PNPLA1: variants seen among roughly 807,000 people sequenced by gnomAD.
PNPLA1 encodes patatin like domain 1, omega-hydroxyceramide transacylase.
A neutral mutation model predicts 51.7 loss-of-function variants in PNPLA1; 36 were observed. The observed-to-expected ratio is 0.70, with a 90% confidence interval of 0.53 to 0.92. The LOEUF is 0.92. PNPLA1 is among the 40% of genes least tolerant of loss of function. The probability of loss-of-function intolerance (pLI) is 0.00; values close to 1 mark genes in which losing one functional copy is unlikely to be tolerated. For missense variants in PNPLA1, 658 were observed against 682.5 expected, an observed-to-expected ratio of 0.96 and a Z score of 0.40; for synonymous variants, 293 against 280.1, an observed-to-expected ratio of 1.05 and a Z score of -0.46.
chr6:36,312,910 G>A lies in PNPLA1; in HGVS notation c.*1024G>A, dbSNP rs1771437988. ...AGTCTCCCCAGGATCCTGTCCAAGGGCAAAACTCTTGGGGGCCCAGCAGGA... is the reference window on the plus strand; with the variant it reads ...AGTCTCCCCAGGATCCTGTCCAAGGACAAAACTCTTGGGGGCCCAGCAGGA... On this transcript the variant is annotated 3_prime_UTR_variant, in exon 9 of 9. Coordinates refer to ENST00000636260, the MANE Select transcript of PNPLA1 (RefSeq NM_001374623.1). 1.3e-5 allele frequency among the ~76,000 whole-genome samples: 2 copies of A among 152,154 alleles called. No individual in the cohort carries two copies. The highest frequency in any genetic ancestry group is 1.3e-4 in the Admixed American group (2 of 15,268).
chr6:36,303,226 C>T (rs1357367961), intron 6 of PNPLA1, among the ~76,000 whole-genome samples: 8 of 152,070 alleles, frequency 5.3e-5, no homozygotes, highest in South Asian at 2.1e-4. Flanking sequence ...TCCCGAGTAG[C>T]TGGGACTACA....
chr6:36,291,475 C>CA lies in PNPLA1; in HGVS notation c.362dup (p.His121GlnfsTer26). 6.2e-7 allele frequency: 1 copy of CA among 1,605,208 alleles called. No individual in the cohort carries two copies. The highest frequency in any genetic ancestry group is 8.5e-7 in the Non-Finnish European group (1 of 1,174,616). On this transcript the variant is annotated frameshift_variant, in exon 2 of 9. Transcript: ENST00000636260. LOFTEE classifies it high-confidence loss of function. Reference sequence around the variant, plus strand: ...CTACAAGGTCACCACGGGGAAGCTCCATGTGAGCCTCACCCGCTTAACGGA... The same window carrying CA: ...CTACAAGGTCACCACGGGGAAGCTCCAATGTGAGCCTCACCCGCTTAACGGA...
At chr6:36,290,199 T>C (rs1311959594) in intron 1 of PNPLA1, among the ~76,000 whole-genome samples, 1 of 152,256 alleles carries the variant, frequency 6.6e-6, no homozygotes, top group East Asian at 1.9e-4. Flanking sequence ...AAGAAAGTTC[T>C]ACCATATAGC....
intron 1 of PNPLA1, among the ~76,000 whole-genome samples, chr6:36,271,995 C>T (rs1012093221): frequency 2.0e-5 from 3 of 152,228 alleles, no homozygotes; most frequent in South Asian, 2.1e-4. Context: ...GTTACAGCAG[C>T]GGTCTCCAGT....
intron 5 of PNPLA1, among the ~76,000 whole-genome samples, chr6:36,296,158 C>T (rs764424526): frequency 1.1e-4 from 16 of 152,256 alleles, no homozygotes; most frequent in Admixed American, 7.2e-4. Context: ...AGAAATTAAA[C>T]AATTAGCTGA....
At position 36,282,665 on chromosome 6, in the gene PNPLA1, G is replaced by T. The variant is rs568864434; in HGVS notation, c.206-8655G>T. The stretch of plus-strand genomic sequence containing the variant: ...TATCCCTAACAACCTTGCTTGATCT[G>T]TGTGTATGTGTGTGTTTTTAATTTA... On this transcript the variant is annotated intron_variant, in intron 1 of 8. Coordinates refer to ENST00000636260, the MANE Select transcript of PNPLA1 (RefSeq NM_001374623.1). Among the ~76,000 whole-genome samples, 3 of 152,232 alleles carry T rather than the reference G, an allele frequency of 2.0e-5. No individual in the cohort carries two copies. In the South Asian group the frequency reaches 6.2e-4, roughly 32 times the overall value.
intron 1 of PNPLA1, among the ~76,000 whole-genome samples, chr6:36,274,919 A>G (rs1349523260): frequency 1.3e-5 from 2 of 151,794 alleles, no homozygotes; most frequent in Admixed American, 6.6e-5. Context: ...GGTGTTCTTT[A>G]TATATTCTGT....
chr6:36,282,179 G>GGGAA (rs1296572011), intron 1 of PNPLA1, among the ~76,000 whole-genome samples: 8 of 93,634 alleles, frequency 8.5e-5, no homozygotes, highest in African/African-American at 3.6e-4. Context: ...AAGAGACAGA[G>GGGAA]AGAAAGAAAG....
At chr6:36,302,609 A>T (rs1473467234) in intron 6 of PNPLA1, 140 bp downstream of exon 6, 3 of 1,173,116 alleles carry the variant, frequency 2.6e-6, no homozygotes, top group Non-Finnish European at 3.5e-6. Flanking sequence ...TCTGTCCATT[A>T]TGAGGACAGT....
At chr6:36,274,112 C>A (rs142834335) in intron 1 of PNPLA1, among the ~76,000 whole-genome samples, 5 of 152,296 alleles carry the variant, frequency 3.3e-5, no homozygotes, top group African/African-American at 1.2e-4. Context: ...ACCGTTCTAC[C>A]TCTGGCATAT....
rs190120931 is a variant in PNPLA1 at position 36,288,785 on chromosome 6, A to T, written c.206-2535A>T. On this transcript the variant is annotated intron_variant, in intron 1 of 8. Coordinates refer to ENST00000636260, the MANE Select transcript of PNPLA1 (RefSeq NM_001374623.1). ...AGACCCTATTTTTAAAAAAATAAAA[A>T]AATCAGCTGGGTGCGGTGGCACATG... 1.1e-3 allele frequency among the ~76,000 whole-genome samples: 173 copies of T among 152,102 alleles called. 5 individuals are homozygous for T. In the South Asian group the frequency reaches 0.033, roughly 29 times the overall value.
chr6:36,249,360 A>G (rs935721480), intron 1 of PNPLA1, among the ~76,000 whole-genome samples: 1 of 152,236 alleles, frequency 6.6e-6, no homozygotes, highest in Non-Finnish European at 1.5e-5. Context: ...GACTCCAAAA[A>G]AGGAAACAGC....
In PNPLA1 at chr6:36,308,052, A is replaced by G. The variant is rs375247045; in HGVS notation, c.1595+340A>G. The G allele has an allele frequency of 7.4e-4, 129 of 175,064 alleles. 3 individuals are homozygous for G. In the South Asian group the frequency reaches 0.016, roughly 22 times the overall value. 10.8% of individuals were successfully genotyped at this position (175,064 alleles called of 1,614,324 possible). On this transcript the variant is annotated intron_variant, in intron 8 of 8. Coordinates refer to ENST00000636260, the MANE Select transcript of PNPLA1 (RefSeq NM_001374623.1). ...CACAATAAGTAGGTATTATGTTTAC[A>G]TATTATGTTTGTATTTATGCTACTT...
chr6:36,246,852 T>C (rs1769298299), intron 1 of PNPLA1, among the ~76,000 whole-genome samples: 2 of 152,228 alleles, frequency 1.3e-5, no homozygotes, highest in Non-Finnish European at 2.9e-5. Flanking sequence ...AACAAAAGGT[T>C]CTTCCCACAC....
Position 36,294,055 on chromosome 6 carries a change from A to T in PNPLA1, c.505-135A>T, listed in dbSNP as rs369134768. On this transcript the variant is annotated intron_variant, in intron 3 of 8. Coordinates refer to ENST00000636260, the MANE Select transcript of PNPLA1 (RefSeq NM_001374623.1). This position sits in a 1 kb window ranked among gnomAD's most constrained non-coding sequence, Gnocchi z 4.2. ...CACCAGGACCTCCGTCTCCAGGCTTATCCTGAGGGGTCTTCTGGATCTTCC... is the reference window on the plus strand; with the variant it reads ...CACCAGGACCTCCGTCTCCAGGCTTTTCCTGAGGGGTCTTCTGGATCTTCC... The T allele has an allele frequency of 1.6e-5, 17 of 1,043,588 alleles. No homozygotes were observed. Among genetic ancestry groups the T allele is most frequent in the East Asian group, 1.6e-4 (6 of 38,426 alleles). 64.6% of individuals were successfully genotyped at this position (1,043,588 alleles called of 1,614,324 possible).
At chr6:36,273,605 T>C (rs1323036663) in intron 1 of PNPLA1, among the ~76,000 whole-genome samples, 3 of 150,892 alleles carry the variant, frequency 2.0e-5, no homozygotes, top group Admixed American at 2.0e-4. Flanking sequence ...CATCTTAAAA[T>C]ACAGCATCTG....
rs761294330 is a variant in PNPLA1 at position 36,294,370 on chromosome 6, A to T, written c.685A>T (p.Thr229Ser). ...CTCCCTGGAGAACATCGCCAGGATGACCCACGCATTGTTCCCCCCGGACCT... is the reference window on the plus strand; with the variant it reads ...CTCCCTGGAGAACATCGCCAGGATGTCCCACGCATTGTTCCCCCCGGACCT... ...QFSLENIARM[T>S]HALFPPDLVI... The change falls in exon 4 of 9, where the codon ACC becomes TCC. Residue 229 changes from threonine (T) to serine (S), a missense_variant. Coordinates refer to ENST00000636260, the MANE Select transcript of PNPLA1 (RefSeq NM_001374623.1). The surrounding 1 kb of genome is among the most constrained non-coding windows in gnomAD (Gnocchi z 4.2). 19 of 1,614,134 alleles carry T rather than the reference A, an allele frequency of 1.2e-5. No homozygotes were observed. Among genetic ancestry groups the T allele is most frequent in the Non-Finnish European group, 1.6e-5 (19 of 1,180,020 alleles).
At chr6:36,282,104 G>GGAAAGAAAGAAA (rs1561859391) in intron 1 of PNPLA1, among the ~76,000 whole-genome samples, 1 of 51,190 alleles carries the variant, frequency 2.0e-5, no homozygotes. Context: ...AAGGAAGGAA[G>GGAAAGAAAGAAA]GAAGGAAGGA....
At chr6:36,269,298 G>A (rs191680516), upstream of PNPLA1, among the ~76,000 whole-genome samples, 11 of 152,262 alleles carry the variant, frequency 7.2e-5, no homozygotes, top group East Asian at 1.5e-3. Context: ...ATATCTCCAT[G>A]AGGGGACATT....
Sources: allele counts gnomAD v4.1 joint callset (sites outside exome capture counted in the v4.1 genomes callset), GRCh38; gene constraint gnomAD v4.1.1; non-coding constraint Gnocchi (gnomAD v3.1); transcripts MANE v1.5; gene names NCBI Gene and HGNC (gene_info 2026-07-23, HGNC 2026-07-21).